ATP2C2: variants seen among roughly 807,000 people sequenced by gnomAD.
ATP2C2 encodes calcium-transporting ATPase type 2C member 2.
ATP2C2 carries 171 observed loss-of-function variants against 110.8 expected under a neutral mutation model. That is an observed-to-expected ratio of 1.54 (90% confidence interval 1.36 to 1.75). ATP2C2 has a LOEUF of 1.75. ATP2C2 is among the 40% of genes most tolerant of loss of function. ATP2C2 has a pLI of 0.00. For missense variants in ATP2C2, 1,963 were observed against 1,235.0 expected, an observed-to-expected ratio of 1.59 and a Z score of -8.84; for synonymous variants, 804 against 508.4, an observed-to-expected ratio of 1.58 and a Z score of -7.82.
At chr16:84,389,677 C>T (rs1015418388) in intron 1 of ATP2C2, among the ~76,000 whole-genome samples, 5 of 151,602 alleles carry the variant, frequency 3.3e-5, no homozygotes, top group Admixed American at 2.6e-4. Flanking sequence ...TCAGTGCTCC[C>T]TGGTGCTGGG....
intron 11 of ATP2C2, among the ~76,000 whole-genome samples, chr16:84,432,537 T>A (rs11641015): frequency 0.31 from 46,930 of 151,508 alleles, 7,548 homozygotes; most frequent in East Asian, 0.5. Context: ...TGCTTGCTTG[T>A]TTTTGAGATG....
In ATP2C2 at chr16:84,408,484, G is replaced by T; in HGVS notation, c.407G>T (p.Ser136Ile). 1 of 1,612,958 alleles carries T rather than the reference G, an allele frequency of 6.2e-7. No individual in the cohort carries two copies. The highest frequency in any genetic ancestry group is 8.5e-7 in the Non-Finnish European group (1 of 1,179,898). Reference protein sequence around the residue: ...VLTKEYEDAVSIATAVLVVVT... With the variant: ...VLTKEYEDAVIIATAVLVVVT... ...ACCAAGGAGTATGAGGACGCCGTCA[G>T]CATCGCCACGGTGAGTTCCCTGACA... Residue 136 changes from serine (S) to isoleucine (I), a missense_variant, in exon 4 of 27, where the codon AGC becomes ATC. By Grantham distance (142) the Ser-to-Ile change is moderately radical (BLOSUM62 -2). Transcript: ENST00000262429.
Position 84,463,657 on chromosome 16 carries a change from G to C in ATP2C2, c.2766G>C (p.Leu922Phe). The change falls in exon 27 of 27, where the codon TTG becomes TTC. Residue 922 changes from leucine to phenylalanine, a missense_variant. Coordinates refer to ENST00000262429, the MANE Select transcript of ATP2C2 (RefSeq NM_014861.4). The part of the protein sequence containing the change: ...LTGLASSVFI[L>F]SELLKLCEKY... ...GATTGGCCTCATCCGTCTTCATTTT[G>C]TCAGAGCTCCTCAAACTATGTGAAA... The C allele has an allele frequency of 2.5e-6, 4 of 1,614,174 alleles. No homozygotes were observed. Among genetic ancestry groups the C allele is most frequent in the East Asian group, 2.2e-5 (1 of 44,886 alleles).
chr16:84,390,346 G>A (rs1363039910), intron 1 of ATP2C2, among the ~76,000 whole-genome samples: 1 of 152,212 alleles, frequency 6.6e-6, no homozygotes, highest in African/African-American at 2.4e-5. Context: ...AGGGCCATAC[G>A]TGCACTTCGT....
chr16:84,386,741 AG>A (rs141023023), intron 1 of ATP2C2, among the ~76,000 whole-genome samples: 2,561 of 152,202 alleles, frequency 0.017, 28 homozygotes, highest in Non-Finnish European at 0.024. Context: ...CATCAATGCT[AG>A]GTGCGAGGTA....
intron 3 of ATP2C2, chr16:84,406,620 A>G: frequency 1.0e-6 from 1 of 985,500 alleles, no homozygotes; most frequent in Non-Finnish European, 1.2e-6. Flanking sequence ...TTATTCATCG[A>G]TGCGTTTTGG....
At chr16:84,458,587 C>G (rs940574957) in intron 21 of ATP2C2, among the ~76,000 whole-genome samples, 1 of 152,076 alleles carries the variant, frequency 6.6e-6, no homozygotes, top group Non-Finnish European at 1.5e-5. Flanking sequence ...GGTGGGGGCA[C>G]CCACGGTGCG....
At chr16:84,459,589 C>T in intron 23 of ATP2C2, 2 of 1,535,862 alleles carry the variant, frequency 1.3e-6, no homozygotes, top group East Asian at 2.4e-5. Context: ...GCCGGCAGAG[C>T]TGGGTGAGGA....
chr16:84,376,533 C>A (rs1193206522), intron 1 of ATP2C2, among the ~76,000 whole-genome samples: 1 of 129,568 alleles, frequency 7.7e-6, no homozygotes, highest in Non-Finnish European at 1.8e-5. Context: ...TTTTTTTTGG[C>A]AATTTTTTTT....
At chr16:84,426,850 C>T (rs543877472) in intron 11 of ATP2C2, among the ~76,000 whole-genome samples, 101 of 152,264 alleles carry the variant, frequency 6.6e-4, no homozygotes, top group African/African-American at 2.3e-3. Flanking sequence ...CGAGGGGACC[C>T]GCCCTTCTTC....
chr16:84,463,696 C>A lies in ATP2C2; in HGVS notation c.2805C>A (p.Ser935Arg), dbSNP rs765799362. The A allele has an allele frequency of 6.2e-7, 1 of 1,614,146 alleles. No individual in the cohort carries two copies. Reference protein sequence around the residue: ...LLKLCEKYCCSPKRVQMHPED... With the variant: ...LLKLCEKYCCRPKRVQMHPED... ...AACTATGTGAAAAATACTGTTGCAG[C>A]CCCAAGAGAGTCCAGATGCACCCTG... is the stretch of plus-strand genomic sequence containing the variant. The change falls in exon 27 of 27, where the codon AGC becomes AGA. Residue 935 changes from serine (S) to arginine (R), a missense_variant. Physicochemically the swap from Ser to Arg is moderately radical, Grantham distance 110. Transcript: ENST00000262429.
intron 15 of ATP2C2, among the ~76,000 whole-genome samples, chr16:84,444,304 C>G (rs1305951838): frequency 6.6e-6 from 1 of 151,478 alleles, no homozygotes; most frequent in African/African-American, 2.4e-5. Context: ...GAAACCTCAT[C>G]TCTACTAAAA....
intron 26 of ATP2C2, chr16:84,462,918 A>C (rs1012404627): frequency 2.0e-5 from 3 of 153,270 alleles, no homozygotes; most frequent in Admixed American, 1.3e-4. Flanking sequence ...CAACGGTCCT[A>C]TGACCTCCAG....
rs1166701720 is a variant in ATP2C2, at chr16:84,439,003, CAGA to C, written c.987-160_987-158del. The C allele has an allele frequency of 2.9e-5, 30 of 1,041,936 alleles. No homozygotes were observed. The East Asian group carries it at 5.9e-4, about 20-fold the overall frequency. 64.5% of individuals were successfully genotyped at this position (1,041,936 alleles called of 1,614,324 possible). The stretch of plus-strand genomic sequence containing the variant: ...GGAGGGCTCAGGACAGTGGGTGCTG[CAGA>C]AGGAGGCAGGTGCACCTTAGGATTG... On this transcript the variant is annotated intron_variant, in intron 11 of 26. Transcript: ENST00000262429.
chr16:84,434,348 G>C (rs530811332), intron 11 of ATP2C2, among the ~76,000 whole-genome samples: 1 of 151,544 alleles, frequency 6.6e-6, no homozygotes. Flanking sequence ...CCCTGGAGGC[G>C]GAGGTTGCGG....
Position 84,414,749 on chromosome 16 carries a change from C to T in ATP2C2, c.516-734C>T, listed in dbSNP as rs1052020341. On this transcript the variant is annotated intron_variant, in intron 6 of 26. Transcript: ENST00000262429. ...CCCCTGAGGCCAGAAGGAGCCTGTG[C>T]GTTTAAGGGGGCTGGATGGAATGAG... Among the ~76,000 whole-genome samples, 7 of 152,170 alleles carry T rather than the reference C, an allele frequency of 4.6e-5. No homozygotes were observed. In the East Asian group the frequency reaches 5.8e-4, roughly 13 times the overall value.
At chr16:84,421,292 T>G (rs1485810367) in intron 7 of ATP2C2, among the ~76,000 whole-genome samples, 1 of 152,296 alleles carries the variant, frequency 6.6e-6, no homozygotes, top group South Asian at 2.1e-4. Flanking sequence ...CCTGACGCTG[T>G]GGGGTCCACT....
rs541726009 is a variant in ATP2C2, at chr16:84,427,281, G to C, written c.986+1480G>C. On this transcript the variant is annotated intron_variant, in intron 11 of 26. Transcript: ENST00000262429. ...AGCTCATTAAAGAATAAACAACTTA[G>C]GTACAGTGGAATATTTTTCAGCCAC... Among the ~76,000 whole-genome samples the C allele has an allele frequency of 5.3e-5, 8 of 152,170 alleles. No individual in the cohort carries two copies. In the South Asian group the frequency reaches 8.3e-4, roughly 16 times the overall value.
rs144977653 is a variant in ATP2C2, at chr16:84,448,433, C to T, written c.1504-100C>T. The stretch of plus-strand genomic sequence containing the variant: ...TGATAAATAACTCCGCTGCAAAGAT[C>T]CCCGTGTGTGTCTTTGTAACCTTGT... On this transcript the variant is annotated intron_variant, in intron 16 of 26. Transcript: ENST00000262429. 186 of 1,382,386 alleles carry T rather than the reference C, an allele frequency of 1.3e-4. 1 individual carries two copies. The African/African-American group carries it at 2.6e-3, about 19-fold the overall frequency. The allele number at this position is 1,382,386 out of a possible 1,614,324, so 85.6% of individuals were successfully genotyped here. A position where few individuals can be genotyped will look rare whatever the true frequency, so the allele number is the denominator to read the frequency against.
Sources: gnomAD v4.1 joint callset for allele counts (sites outside exome capture counted in the v4.1 genomes callset) on GRCh38, gnomAD v4.1.1 for gene constraint, MANE v1.5 for transcripts, NCBI Gene and HGNC (gene_info 2026-07-23, HGNC 2026-07-21) for gene names.